The following MAK variants were observed in gnomAD, a reference collection of about 807,000 sequenced individuals.
MAK encodes serine/threonine-protein kinase MAK.
Under a neutral mutation model 82.6 loss-of-function variants are expected in MAK, and 65 were observed. That is an observed-to-expected ratio of 0.79 (90% CI 0.64 to 0.97). The LOEUF (loss-of-function observed/expected upper bound fraction) is 0.97. Among genes scored for constraint, MAK ranks in the 50% least tolerant of loss-of-function variants. The pLI is 0.00. For synonymous variants in MAK, 250 were observed against 274.2 expected, an observed-to-expected ratio of 0.91 and a Z score of 0.87; for missense variants, 703 against 780.2, an observed-to-expected ratio of 0.90 and a Z score of 1.18.
rs1360794916 is a variant in MAK at position 10,830,860 on chromosome 6, T to C, written c.-212A>G. On this transcript the variant is annotated 5_prime_UTR_variant, in exon 2 of 15. Transcript: ENST00000354489. ...AGGAATCGGGCAAGGAAACAACACT[T>C]CCATTCTTATAAACACCCTAAAGAA... 4 of 574,086 alleles carry C rather than the reference T, an allele frequency of 7.0e-6. No individual in the cohort carries two copies. The East Asian group carries it at 9.4e-5, about 13-fold the overall frequency. 35.6% of individuals were successfully genotyped at this position (574,086 alleles called of 1,614,324 possible).
intron 8 of MAK, chr6:10,797,950 T>G: frequency 8.2e-7 from 1 of 1,215,982 alleles, no homozygotes; most frequent in Non-Finnish European, 1.0e-6. Context: ...ATACATAATT[T>G]GAATACTTCA....
chr6:10,821,215 C>T (rs928857401), intron 2 of MAK, among the ~76,000 whole-genome samples: 9 of 152,172 alleles, frequency 5.9e-5, no homozygotes, highest in African/African-American at 1.9e-4. Context: ...TCTCAAAGTG[C>T]TGGGATTACA....
chr6:10,830,105 C>T (rs1284989927), intron 2 of MAK, among the ~76,000 whole-genome samples: 6 of 147,830 alleles, frequency 4.1e-5, no homozygotes, highest in East Asian at 4.0e-4. Flanking sequence ...CATGAGCCAC[C>T]GCACACAGCC....
Position 10,796,149 on chromosome 6 carries a change from A to G in MAK, c.992T>C (p.Val331Ala), listed in dbSNP as rs2127548457. The change falls in exon 9 of 15, where the codon GTT becomes GCT. Residue 331 changes from valine (V) to alanine (A), a missense_variant. Val to Ala is a moderately conservative substitution (Grantham distance 64). Transcript: ENST00000354489. The stretch of plus-strand genomic sequence containing the variant: ...AGTTTTTGGCTGGGGTTGTCCAACA[A>G]CCTGATCGATTATATCCGGCAGAGG... ...PKPLPDIIDQ[V>A]VGQPQPKTSQ... 1 of 1,614,160 alleles carries G rather than the reference A, an allele frequency of 6.2e-7. No homozygotes were observed. Among genetic ancestry groups the G allele is most frequent in the Non-Finnish European group, 8.5e-7 (1 of 1,180,022 alleles).
At chr6:10,791,027 C>G (rs1379862559) in intron 10 of MAK, among the ~76,000 whole-genome samples, 1 of 152,128 alleles carries the variant, frequency 6.6e-6, no homozygotes, top group African/African-American at 2.4e-5. Context: ...TCCAAAAGCC[C>G]TCACCAGAAG....
intron 1 of MAK, chr6:10,837,889 C>T (rs1779255988): frequency 6.6e-6 from 1 of 152,224 alleles, no homozygotes; most frequent in Non-Finnish European, 1.5e-5. Flanking sequence ...GAGGGGGCGT[C>T]CCCGGGCGCC....
At chr6:10,810,363 T>TC (rs1776834455) in intron 5 of MAK, among the ~76,000 whole-genome samples, 1 of 148,188 alleles carries the variant, frequency 6.7e-6, no homozygotes, top group African/African-American at 2.5e-5. Flanking sequence ...TTTTTTTTTT[T>TC]TGTTTTGAGA....
intron 3 of MAK, among the ~76,000 whole-genome samples, chr6:10,818,561 C>G: frequency 6.7e-6 from 1 of 148,870 alleles, no homozygotes. Flanking sequence ...TTGCAGTGAG[C>G]TGAGATCACA....
chr6:10,769,613 A>C (rs999484733), intron 14 of MAK, among the ~76,000 whole-genome samples: 4 of 152,228 alleles, frequency 2.6e-5, no homozygotes, highest in Admixed American at 6.5e-5. Context: ...ATTCATAAAT[A>C]GAGTGTCAGC....
chr6:10,802,439 G>A (rs963914326), intron 7 of MAK: 4 of 203,776 alleles, frequency 2.0e-5, no homozygotes, highest in African/African-American at 9.5e-5. Context: ...CTGAGTAGCT[G>A]GGACTACAGG....
chr6:10,780,418 CT>C (rs1369175317), intron 11 of MAK, among the ~76,000 whole-genome samples: 1 of 149,558 alleles, frequency 6.7e-6, no homozygotes, highest in Admixed American at 6.7e-5. Flanking sequence ...TAAGAAGATA[CT>C]GATTTGCAAT....
At chr6:10,831,607 A>C (rs1013500656) in intron 1 of MAK, among the ~76,000 whole-genome samples, 2 of 152,152 alleles carry the variant, frequency 1.3e-5, no homozygotes, top group African/African-American at 2.4e-5. Context: ...AACTAGCTGG[A>C]CTTGATGGCA....
At chr6:10,832,678 T>C (rs1054420164) in intron 1 of MAK, among the ~76,000 whole-genome samples, 60 of 152,184 alleles carry the variant, frequency 3.9e-4, no homozygotes, top group African/African-American at 1.4e-3. Context: ...TTTGTAATTT[T>C]AGTAGAAACA....
chr6:10,784,576 GA>G lies in MAK; in HGVS notation c.1317-5del. The G allele has an allele frequency of 6.2e-7, 1 of 1,613,672 alleles. No individual in the cohort carries two copies. The highest frequency in any genetic ancestry group is 8.5e-7 in the Non-Finnish European group (1 of 1,179,916). ...TGAGGGTACTGGCTCTGGAAGCCTTGAAAGCCAATGAAAGGTAGCATTACAG... is the reference window on the plus strand; with the variant it reads ...TGAGGGTACTGGCTCTGGAAGCCTTGAAGCCAATGAAAGGTAGCATTACAG... On this transcript the variant is annotated splice_region_variant and splice_polypyrimidine_tract_variant and intron_variant, in intron 10 of 14. Coordinates refer to ENST00000354489, the MANE Select transcript of MAK (RefSeq NM_001242957.3).
intron 4 of MAK, among the ~76,000 whole-genome samples, chr6:10,816,763 AT>A (rs1777532873): frequency 6.6e-6 from 1 of 152,178 alleles, no homozygotes; most frequent in Non-Finnish European, 1.5e-5. Flanking sequence ...CACACTAATT[AT>A]TTATTTTAAA....
chr6:10,809,290 T>C (rs1776736977), intron 5 of MAK, among the ~76,000 whole-genome samples: 1 of 152,236 alleles, frequency 6.6e-6, no homozygotes, highest in Non-Finnish European at 1.5e-5. Context: ...AAGGAGGTAC[T>C]GTTATCACTA....
intron 14 of MAK, among the ~76,000 whole-genome samples, chr6:10,765,929 A>C (rs982537520): frequency 1.3e-5 from 2 of 152,212 alleles, no homozygotes; most frequent in African/African-American, 4.8e-5. Context: ...TTTCTTGAAC[A>C]TTTGTTATCT....
intron 2 of MAK, among the ~76,000 whole-genome samples, chr6:10,820,805 TA>T (rs1429243465): frequency 1.3e-5 from 2 of 152,182 alleles, no homozygotes; most frequent in Non-Finnish European, 2.9e-5. Context: ...AATGTCTTGC[TA>T]AAATGTAAAA....
At chr6:10,818,635 G>T in intron 3 of MAK, among the ~76,000 whole-genome samples, 1 of 148,124 alleles carries the variant, frequency 6.8e-6, no homozygotes. Flanking sequence ...AAAAAAAGTT[G>T]TCTTTGCATA....
Sources: gnomAD v4.1 joint callset for allele counts (sites outside exome capture counted in the v4.1 genomes callset) on GRCh38, gnomAD v4.1.1 for gene constraint, MANE v1.5 for transcripts, NCBI Gene and HGNC (gene_info 2026-07-23, HGNC 2026-07-21) for gene names.